Variants in STAC observed in about 807,000 individuals in gnomAD.
STAC encodes SH3 and cysteine rich domain.
In STAC, 43 loss-of-function variants were observed where a neutral mutation model predicts 48.8. That is an observed-to-expected ratio of 0.88 (90% CI 0.69 to 1.14). STAC has a LOEUF of 1.14. Among genes scored for constraint, STAC ranks in the 50% most tolerant of loss-of-function variants. STAC has a pLI of 0.00. For missense variants in STAC, 497 were observed against 504.0 expected, an observed-to-expected ratio of 0.99 and a Z score of 0.13; for synonymous variants, 193 against 179.5, an observed-to-expected ratio of 1.07 and a Z score of -0.60.
At chr3:36,462,523 G>A (rs182258721) in intron 2 of STAC, among the ~76,000 whole-genome samples, 1 of 152,154 alleles carries the variant, frequency 6.6e-6, no homozygotes, top group Non-Finnish European at 1.5e-5. Flanking sequence ...ACCAATGACT[G>A]AGCCCTGGAG....
intron 1 of STAC, among the ~76,000 whole-genome samples, chr3:36,431,440 G>A (rs1700702448): frequency 6.6e-6 from 1 of 152,150 alleles, no homozygotes; most frequent in Admixed American, 6.5e-5. Context: ...CCTACCTGAG[G>A]AGCTGGATGG....
chr3:36,513,668 GA>G (rs2125719335), intron 8 of STAC, among the ~76,000 whole-genome samples: 1 of 152,120 alleles, frequency 6.6e-6, no homozygotes, highest in African/African-American at 2.4e-5. Flanking sequence ...TTCTCATCTT[GA>G]AAACAGGGAT....
chr3:36,437,727 T>C (rs112252143), intron 1 of STAC, among the ~76,000 whole-genome samples: 1 of 150,556 alleles, frequency 6.6e-6, no homozygotes, highest in Admixed American at 6.6e-5. Context: ...TGTATACATA[T>C]GTAACTAACC....
chr3:36,483,114 GA>G, intron 3 of STAC, 22 bp downstream of exon 3: 1 of 1,573,836 alleles, frequency 6.4e-7, no homozygotes, highest in Non-Finnish European at 8.7e-7. Flanking sequence ...TGCCAGGAGT[GA>G]GGCCCACACC....
intron 2 of STAC, among the ~76,000 whole-genome samples, chr3:36,477,412 A>G (rs1672140091): frequency 1.3e-5 from 2 of 152,220 alleles, no homozygotes; most frequent in Non-Finnish European, 2.9e-5. Context: ...CAATGCTTCA[A>G]TGGCAAAATC....
At position 36,380,709 on chromosome 3, in the gene STAC, C is replaced by T. The variant is rs139348907; in HGVS notation, c.66C>T (p.Ala22=). The T allele has an allele frequency of 1.7e-5, 28 of 1,611,612 alleles. No homozygotes were observed. The highest frequency in any genetic ancestry group is 2.2e-5 in the East Asian group (1 of 44,816). ...GGCTGCCCAAGGAGGCGGTGGGCGC[C>T]GAGCAACCGCCCTCTCCTGCATCCA... ...VDGLPKEAVG[A]EQPPSPASTS... The change falls in exon 1 of 11, where the codon GCC becomes GCT. Residue 22 remains alanine (A), a synonymous_variant. Transcript: ENST00000273183.
chr3:36,452,458 G>A (rs1463299616), intron 2 of STAC, among the ~76,000 whole-genome samples: 2 of 152,202 alleles, frequency 1.3e-5, no homozygotes, highest in East Asian at 3.8e-4. Flanking sequence ...CCAGAGGGCA[G>A]ACACCATGGT....
At position 36,390,451 on chromosome 3, in the gene STAC, C is replaced by CTTTTTTTTTTTTTTTTTTTTTTTTTTTTT. The variant is rs59589769; in HGVS notation, c.111+9718_111+9719insTTTTTTTTTTTTTTTTTTTTTTTTTTTTT. Among the ~76,000 whole-genome samples the CTTTTTTTTTTTTTTTTTTTTTTTTTTTTT allele has an allele frequency of 5.6e-4, 45 of 80,832 alleles. 1 individual carries two copies. Among genetic ancestry groups the CTTTTTTTTTTTTTTTTTTTTTTTTTTTTT allele is most frequent in the Non-Finnish European group, 9.0e-4 (37 of 41,012 alleles). 53.0% of individuals were successfully genotyped at this position (80,832 alleles called of 152,430 possible). ...GAAGTAATCATGTGATTTTTCTTTT[C>CTTTTTTTTTTTTTTTTTTTTTTTTTTTTT]TTTTTTTTTTTTTTTTTTTTTGTCC... is the stretch of plus-strand genomic sequence containing the variant. On this transcript the variant is annotated intron_variant, in intron 1 of 10. Transcript: ENST00000273183.
intron 8 of STAC, among the ~76,000 whole-genome samples, chr3:36,519,978 A>G (rs1201479396): frequency 6.6e-6 from 1 of 152,202 alleles, no homozygotes; most frequent in Admixed American, 6.5e-5. Context: ...CATTAATATC[A>G]GTTTTCTACG....
rs183077966 is a variant in STAC at position 36,413,368 on chromosome 3, T to A, written c.112-29996T>A. Among the ~76,000 whole-genome samples, 17 of 152,362 alleles carry A rather than the reference T, an allele frequency of 1.1e-4. No individual in the cohort carries two copies. In the East Asian group the frequency reaches 1.9e-3, roughly 17 times the overall value. Reference sequence around the variant, plus strand: ...TGAATCTGGGTGTTCCTGTATTGGGTGCATATATATTTAGGATAGTTAGCT... The same window carrying A: ...TGAATCTGGGTGTTCCTGTATTGGGAGCATATATATTTAGGATAGTTAGCT... On this transcript the variant is annotated intron_variant, in intron 1 of 10. Coordinates refer to ENST00000273183, the MANE Select transcript of STAC (RefSeq NM_003149.3).
chr3:36,529,112 T>G, intron 10 of STAC, 127 bp downstream of exon 10: 2 of 998,952 alleles, frequency 2.0e-6, no homozygotes, highest in Non-Finnish European at 2.8e-6. Flanking sequence ...AGAAAAGATA[T>G]ACTTACTCCA....
intron 10 of STAC, among the ~76,000 whole-genome samples, chr3:36,540,416 A>G (rs1221137531): frequency 1.3e-5 from 2 of 152,208 alleles, no homozygotes; most frequent in African/African-American, 4.8e-5. Context: ...GGATAGGGAG[A>G]TACCCTAGAT....
chr3:36,519,868 T>C (rs959431166), intron 8 of STAC, among the ~76,000 whole-genome samples: 2 of 152,176 alleles, frequency 1.3e-5, no homozygotes, highest in Non-Finnish European at 2.9e-5. Flanking sequence ...AATTTACAAA[T>C]AGATGCAAAA....
intron 2 of STAC, among the ~76,000 whole-genome samples, chr3:36,462,129 T>C (rs900167809): frequency 2.0e-5 from 3 of 152,234 alleles, no homozygotes; most frequent in East Asian, 3.9e-4. Flanking sequence ...ACAGGATTGA[T>C]TTTCTACATG....
intron 2 of STAC, among the ~76,000 whole-genome samples, chr3:36,454,397 G>A (rs1474422459): frequency 2.0e-5 from 3 of 151,802 alleles, no homozygotes; most frequent in African/African-American, 7.3e-5. Context: ...GCGAGACCAC[G>A]AACCCACCAG....
intron 2 of STAC, 136 bp from the exon 3 acceptor site, chr3:36,482,856 T>A (rs1009315493): frequency 6.4e-6 from 4 of 626,052 alleles, no homozygotes; most frequent in Non-Finnish European, 1.1e-5. Context: ...CATATATATT[T>A]TTTTTCTATT....
intron 1 of STAC, among the ~76,000 whole-genome samples, chr3:36,423,863 G>A (rs1179636043): frequency 1.3e-5 from 2 of 152,058 alleles, no homozygotes; most frequent in African/African-American, 4.8e-5. Flanking sequence ...TGAACTTGAA[G>A]CTCCCTTCCT....
intron 2 of STAC, among the ~76,000 whole-genome samples, chr3:36,470,901 G>A (rs898129799): frequency 2.0e-5 from 3 of 152,304 alleles, no homozygotes; most frequent in East Asian, 1.9e-4. Context: ...AAATTTTCAC[G>A]TTACCTACTT....
At chr3:36,514,169 C>T (rs1698609709) in intron 8 of STAC, among the ~76,000 whole-genome samples, 1 of 143,642 alleles carries the variant, frequency 7.0e-6, no homozygotes, top group Non-Finnish European at 1.5e-5. Flanking sequence ...CAGTCTCATC[C>T]ATGGTGACCT....
Sources: gnomAD v4.1 joint callset for allele counts (sites outside exome capture counted in the v4.1 genomes callset) on GRCh38, gnomAD v4.1.1 for gene constraint, MANE v1.5 for transcripts, NCBI Gene and HGNC (gene_info 2026-07-23, HGNC 2026-07-21) for gene names.